The following ANK3 variants were observed in gnomAD, a reference collection of about 807,000 sequenced individuals.
The protein encoded by ANK3 is ankyrin-3.
ANK3 carries 57 observed loss-of-function variants against 370.9 expected under a neutral mutation model. The observed-to-expected ratio is 0.15, with a 90% CI of 0.12 to 0.19. ANK3 has a LOEUF of 0.19. Ranked by LOEUF, ANK3 falls within the 10% of genes least tolerant of loss-of-function variation. The probability of loss-of-function intolerance (pLI) is 1.00; values close to 1 mark genes in which losing one functional copy is unlikely to be tolerated. For synonymous variants in ANK3, 1,929 were observed against 1,946.3 expected (o/e 0.99, Z 0.23); for missense variants, 4,439 against 5,302.1 (o/e 0.84, Z 5.06).
intron 2 of ANK3, among the ~76,000 whole-genome samples, chr10:60,522,080 G>A (rs1396435332): frequency 6.6e-6 from 1 of 152,036 alleles, no homozygotes; most frequent in Non-Finnish European, 1.5e-5. Context: ...CAGCTCCAAG[G>A]GATTTGGAAA....
chr10:60,624,420 A>G (rs944508438), intron 1 of ANK3, among the ~76,000 whole-genome samples: 3 of 152,112 alleles, frequency 2.0e-5, no homozygotes, highest in Non-Finnish European at 2.9e-5. Context: ...TCATCCACAC[A>G]ACTACACTGG....
chr10:60,725,154 T>G (rs2079923420), intron 1 of ANK3, among the ~76,000 whole-genome samples: 1 of 152,172 alleles, frequency 6.6e-6, no homozygotes, highest in African/African-American at 2.4e-5. Context: ...GATTTAATGT[T>G]TATGTACTTC....
intron 1 of ANK3, among the ~76,000 whole-genome samples, chr10:60,287,019 T>G (rs1423565762): frequency 6.6e-6 from 1 of 152,138 alleles, no homozygotes; most frequent in Admixed American, 6.5e-5. Flanking sequence ...AGGAATATTT[T>G]TCCTGTCTCT....
intron 8 of ANK3, 21 bp downstream of exon 8, chr10:60,234,667 G>C (rs1309864557): frequency 1.4e-6 from 2 of 1,459,526 alleles, no homozygotes; most frequent in South Asian, 2.3e-5. Flanking sequence ...GTAGAAGCAG[G>C]TACATAAGTT....
intron 2 of ANK3, among the ~76,000 whole-genome samples, chr10:60,458,380 AAT>A (rs1295192860): frequency 2.6e-5 from 4 of 152,176 alleles, no homozygotes; most frequent in African/African-American, 9.7e-5. Context: ...GGAGGGTCCT[AAT>A]ATGTGTCTGG....
chr10:60,138,897 T>A (rs766276963), intron 24 of ANK3, 67 bp downstream of exon 24: 2 of 1,588,490 alleles, frequency 1.3e-6, no homozygotes, highest in Non-Finnish European at 1.7e-6. Flanking sequence ...AAAATGAACA[T>A]GATTTTGATT....
intron 42 of ANK3, among the ~76,000 whole-genome samples, chr10:60,048,812 T>C (rs1467901766): frequency 1.3e-5 from 2 of 152,224 alleles, no homozygotes; most frequent in Non-Finnish European, 2.9e-5. Flanking sequence ...CCAGAGCTGC[T>C]GCTGTCTGGC....
intron 2 of ANK3, among the ~76,000 whole-genome samples, chr10:60,478,939 G>A (rs1050157600): frequency 6.6e-6 from 1 of 152,002 alleles, no homozygotes; most frequent in Non-Finnish European, 1.5e-5. Context: ...CTTGGCATAC[G>A]AACACGGTGG....
At chr10:60,238,559 G>A (rs1013152578) in intron 7 of ANK3, among the ~76,000 whole-genome samples, 20 of 152,096 alleles carry the variant, frequency 1.3e-4, no homozygotes, top group African/African-American at 4.3e-4. Flanking sequence ...CTAGCACAGA[G>A]TAACAAGCAA....
Position 60,073,262 on chromosome 10 carries a change from G to C in ANK3, c.7619C>G (p.Thr2540Arg), listed in dbSNP as rs756672652. ...VSKDEHFDKV[T>R]VLHYSGNVSS... is the part of the protein sequence containing the mutation. ...AACATTGCCAGAATAGTGCAACACT[G>C]TCACTTTATCAAAATGCTCATCTTT... Residue 2540 changes from threonine to arginine, a missense_variant, in exon 37 of 44, where the codon ACA (threonine) becomes AGA (arginine). This residue lies in a region of ANK3 where 1,601 missense variants were observed against 1,731.7 expected (regional missense o/e 0.92). Transcript: ENST00000280772. 2 of 1,614,108 alleles carry C rather than the reference G, an allele frequency of 1.2e-6. No homozygotes were observed. Among genetic ancestry groups the C allele is most frequent in the Admixed American group, 3.3e-5 (2 of 60,008 alleles).
In ANK3 at chr10:60,070,665, C is replaced by A; in HGVS notation, c.10216G>T (p.Asp3406Tyr). ...SIATTAEFSH[D>Y]TDATEIDSLD... The stretch of plus-strand genomic sequence containing the variant: ...GAGTCGATCTCTGTGGCATCCGTGT[C>A]ATGAGAAAACTCTGCTGTGGTGGCA... The change falls in exon 37 of 44, where the codon GAC becomes TAC. Residue 3406 changes from aspartate (D) to tyrosine (Y), a missense_variant. Around this residue, in one of 13 missense-constraint regions of ANK3, gnomAD observed 1,601 missense variants for 1,731.7 expected, o/e 0.92. Transcript: ENST00000280772. This position sits in a 1 kb window ranked among gnomAD's most constrained non-coding sequence, Gnocchi z 5.7. 6.2e-7 allele frequency: 1 copy of A among 1,614,122 alleles called. No individual in the cohort carries two copies. The highest frequency in any genetic ancestry group is 8.5e-7 in the Non-Finnish European group (1 of 1,180,024).
intron 1 of ANK3, among the ~76,000 whole-genome samples, chr10:60,631,862 AT>A (rs1214697328): frequency 6.6e-6 from 1 of 152,184 alleles, no homozygotes; most frequent in Non-Finnish European, 1.5e-5. Context: ...TACAAGTCGA[AT>A]TTTTTTAATC....
At chr10:60,649,639 A>G (rs2078760682) in intron 1 of ANK3, among the ~76,000 whole-genome samples, 1 of 152,230 alleles carries the variant, frequency 6.6e-6, no homozygotes, top group Non-Finnish European at 1.5e-5. Context: ...AGAGCCTTTT[A>G]AACTACAATC....
chr10:60,262,060 T>G, intron 6 of ANK3, 103 bp from the exon 7 acceptor site: 1 of 889,294 alleles, frequency 1.1e-6, no homozygotes, highest in Non-Finnish European at 1.8e-6. Context: ...AAGCAAAATA[T>G]GCTGAGGTCT....
intron 24 of ANK3, among the ~76,000 whole-genome samples, chr10:60,137,161 T>G (rs1360578727): frequency 6.6e-6 from 1 of 152,032 alleles, no homozygotes; most frequent in Non-Finnish European, 1.5e-5. Flanking sequence ...TATTATATAC[T>G]TTCTACTTTT....
chr10:60,453,260 A>C (rs2064658733), intron 2 of ANK3, among the ~76,000 whole-genome samples: 1 of 152,148 alleles, frequency 6.6e-6, no homozygotes, highest in Non-Finnish European at 1.5e-5. Context: ...TGAATTGCAC[A>C]CTGCTGGCAA....
At chr10:60,571,255 A>G (rs1172318242) in intron 2 of ANK3, among the ~76,000 whole-genome samples, 3 of 152,198 alleles carry the variant, frequency 2.0e-5, no homozygotes, top group Non-Finnish European at 2.9e-5. Context: ...GAAGACATTG[A>G]ACCACTGCCC....
chr10:60,078,545 C>A (rs975539131), intron 36 of ANK3, among the ~76,000 whole-genome samples: 1 of 152,208 alleles, frequency 6.6e-6, no homozygotes, highest in Non-Finnish European at 1.5e-5. Context: ...GCAAAGAAAT[C>A]TTTTGAACCA....
chr10:60,159,853 T>C (rs1269274836), intron 23 of ANK3, among the ~76,000 whole-genome samples: 1 of 152,048 alleles, frequency 6.6e-6, no homozygotes, highest in African/African-American at 2.4e-5. Flanking sequence ...AGAAAATTTT[T>C]AAAATTTCTT....
Sources: gnomAD v4.1 joint callset for allele counts (sites outside exome capture counted in the v4.1 genomes callset) on GRCh38, gnomAD v4.1.1 for gene constraint, gnomAD v4.1.1 regional missense constraint, Gnocchi (gnomAD v3.1) non-coding constraint, MANE v1.5 for transcripts, NCBI Gene and HGNC (gene_info 2026-07-23, HGNC 2026-07-21) for gene names.